The following KCNQ1 variants were observed in gnomAD, a reference collection of about 807,000 sequenced individuals.
KCNQ1 encodes the protein potassium voltage-gated channel subfamily KQT member 1.
A neutral mutation model predicts 72.4 loss-of-function variants in KCNQ1; 49 were observed. That is an observed-to-expected ratio of 0.68 (90% CI 0.54 to 0.86). KCNQ1 has a LOEUF of 0.86. Among genes scored for constraint, KCNQ1 ranks in the 40% least tolerant of loss-of-function variants. The probability of loss-of-function intolerance (pLI) is 0.00; values close to 1 mark genes in which losing one functional copy is unlikely to be tolerated. For missense variants in KCNQ1, 790 were observed against 945.1 expected (o/e 0.84, Z 2.15); for synonymous variants, 450 against 412.6 (o/e 1.09, Z -1.10).
rs573871914 is a variant in KCNQ1, at chr11:2,826,211, G to A, written c.1795-21556G>A. 6.6e-6 allele frequency among the ~76,000 whole-genome samples: 1 copy of A among 152,240 alleles called. No individual in the cohort carries two copies. Among genetic ancestry groups the A allele is most frequent in the Non-Finnish European group, 1.5e-5 (1 of 68,048 alleles). Reference sequence around the variant, plus strand: ...AGTGCTATTGTTTTTCATGTCAGCTGCATTTTAAGGCTACATTTCACGTCA... The same window carrying A: ...AGTGCTATTGTTTTTCATGTCAGCTACATTTTAAGGCTACATTTCACGTCA... On this transcript the variant is annotated intron_variant, in intron 15 of 15. Coordinates refer to ENST00000155840, the MANE Select transcript of KCNQ1 (RefSeq NM_000218.3). The surrounding 1 kb of genome is among the most constrained non-coding windows in gnomAD (Gnocchi z 4.2).
chr11:2,447,110 C>T lies in KCNQ1; in HGVS notation c.386+1626C>T, dbSNP rs1275687064. On this transcript the variant is annotated intron_variant, in intron 1 of 15. Coordinates refer to ENST00000155840, the MANE Select transcript of KCNQ1 (RefSeq NM_000218.3). This position sits in a 1 kb window ranked among gnomAD's most constrained non-coding sequence, Gnocchi z 7.6. ...TTGTGGACACATGCCTCCGGGCTCACTGCAGCCACCCGTGTGGAGGAAGAG... is the reference window on the plus strand; with the variant it reads ...TTGTGGACACATGCCTCCGGGCTCATTGCAGCCACCCGTGTGGAGGAAGAG... Among the ~76,000 whole-genome samples, 1 of 152,238 alleles carries T rather than the reference C, an allele frequency of 6.6e-6. No individual in the cohort carries two copies. Among genetic ancestry groups the T allele is most frequent in the Non-Finnish European group, 1.5e-5 (1 of 68,046 alleles).
intron 1 of KCNQ1, among the ~76,000 whole-genome samples, chr11:2,504,373 C>CAA (rs112373422): frequency 6.2e-5 from 9 of 144,010 alleles, no homozygotes; most frequent in African/African-American, 2.3e-4. Flanking sequence ...TTAATGGAAA[C>CAA]AAAAAAAAAA....
intron 1 of KCNQ1, among the ~76,000 whole-genome samples, chr11:2,448,961 C>G (rs928179894): frequency 2.6e-5 from 4 of 152,226 alleles, no homozygotes. Flanking sequence ...GTGGCAAGAG[C>G]CTAGAGCCTG....
intron 6 of KCNQ1, among the ~76,000 whole-genome samples, chr11:2,575,387 G>T (rs1306860288): frequency 1.3e-5 from 2 of 152,168 alleles, no homozygotes; most frequent in Non-Finnish European, 2.9e-5. Flanking sequence ...GCCCAGGGCT[G>T]TGGGGCAAAC....
Position 2,613,953 on chromosome 11 carries a change from A to G in KCNQ1, c.1393+25099A>G, listed in dbSNP as rs1464315320. The G allele has an allele frequency of 1.0e-5, 4 of 398,614 alleles. No homozygotes were observed. The highest frequency in any genetic ancestry group is 8.8e-5 in the Admixed American group (2 of 22,746). 24.7% of individuals were successfully genotyped at this position (398,614 alleles called of 1,614,324 possible). ...TGAACTTTGCTTTTCTCACCTAACAACATCTCCTAGAAATCACTCAACATC... is the reference window on the plus strand; with the variant it reads ...TGAACTTTGCTTTTCTCACCTAACAGCATCTCCTAGAAATCACTCAACATC... On this transcript the variant is annotated intron_variant, in intron 10 of 15. Coordinates refer to ENST00000155840, the MANE Select transcript of KCNQ1 (RefSeq NM_000218.3). This position sits in a 1 kb window ranked among gnomAD's most constrained non-coding sequence, Gnocchi z 4.8.
chr11:2,572,922 ACGCGGTGAACGAGTCAGGC>A lies in KCNQ1; in HGVS notation c.862_880del (p.Val288TrpfsTer60), dbSNP rs397508129. The A allele has an allele frequency of 6.2e-7, 1 of 1,613,790 alleles. No homozygotes were observed. Among genetic ancestry groups the A allele is most frequent in the Non-Finnish European group, 8.5e-7 (1 of 1,180,022 alleles). On this transcript the variant is annotated frameshift_variant, in exon 6 of 16. Coordinates refer to ENST00000155840, the MANE Select transcript of KCNQ1 (RefSeq NM_000218.3). LOFTEE classifies it high-confidence loss of function. ...TACTTTGTGTACCTGGCTGAGAAGGACGCGGTGAACGAGTCAGGCCGCGTGGAGTTCGGCAGCTACGCAG... is the reference window on the plus strand; with the variant it reads ...TACTTTGTGTACCTGGCTGAGAAGGACGCGTGGAGTTCGGCAGCTACGCAG...
At chr11:2,641,833 G>C in intron 10 of KCNQ1, 2 of 398,258 alleles carry the variant, frequency 5.0e-6, no homozygotes, top group Admixed American at 8.8e-5. Context: ...AGATAGAAAC[G>C]GTTTCATTTT....
rs115810939 is a variant in KCNQ1, at chr11:2,744,855, C to T, written c.1515-23989C>T. On this transcript the variant is annotated intron_variant, in intron 11 of 15. Coordinates refer to ENST00000155840, the MANE Select transcript of KCNQ1 (RefSeq NM_000218.3). Reference sequence around the variant, plus strand: ...GGAAGAATCCAGATTCCTTTTCCTCCGTGGAGTGACTCCCCTTCCCCACCT... The same window carrying T: ...GGAAGAATCCAGATTCCTTTTCCTCTGTGGAGTGACTCCCCTTCCCCACCT... Among the ~76,000 whole-genome samples, 818 of 152,204 alleles carry T rather than the reference C, an allele frequency of 5.4e-3. 7 individuals carry two copies. The highest frequency in any genetic ancestry group is 0.018 in the African/African-American group (756 of 41,502).
intron 8 of KCNQ1, among the ~76,000 whole-genome samples, chr11:2,586,464 G>A (rs1848593745): frequency 6.6e-6 from 1 of 152,216 alleles, no homozygotes; most frequent in Non-Finnish European, 1.5e-5. Context: ...ACGCCTGGCA[G>A]GGGACCACAT....
rs1349199299 is a variant in KCNQ1 at position 2,651,947 on chromosome 11, C to T, written c.1394-10014C>T. On this transcript the variant is annotated intron_variant, in intron 10 of 15. Coordinates refer to ENST00000155840, the MANE Select transcript of KCNQ1 (RefSeq NM_000218.3). This position sits in a 1 kb window ranked among gnomAD's most constrained non-coding sequence, Gnocchi z 6.1. ...CTCCTACTCACAGCCCTCCTGCAGC[C>T]AGCAGCAGTGGGGGAGCCAAGCTGA... is the stretch of plus-strand genomic sequence containing the variant. 1 of 398,600 alleles carries T rather than the reference C, an allele frequency of 2.5e-6. No homozygotes were observed. Among genetic ancestry groups the T allele is most frequent in the East Asian group, 3.6e-5 (1 of 28,084 alleles). The allele number at this position is 398,600 out of a possible 1,614,324, so 24.7% of individuals were successfully genotyped here.
intron 11 of KCNQ1, among the ~76,000 whole-genome samples, chr11:2,706,414 T>C (rs1850911868): frequency 6.6e-6 from 1 of 152,176 alleles, no homozygotes; most frequent in African/African-American, 2.4e-5. Flanking sequence ...CCAGCCCCAG[T>C]CAAACCTCTG....
rs965778446 is a variant in KCNQ1, at chr11:2,657,149, G to A, written c.1394-4812G>A. 2 of 398,616 alleles carry A rather than the reference G, an allele frequency of 5.0e-6. No individual in the cohort carries two copies. The highest frequency in any genetic ancestry group is 8.8e-5 in the Admixed American group (2 of 22,734). The allele number at this position is 398,616 out of a possible 1,614,324, so 24.7% of individuals were successfully genotyped here. A position where few individuals can be genotyped will look rare whatever the true frequency, so the allele number is the denominator to read the frequency against. ...GCCTTGGAAGAAGTACTGATGTTTGGTACAGCAAGTTCTCCCACCTTGTTC... is the reference window on the plus strand; with the variant it reads ...GCCTTGGAAGAAGTACTGATGTTTGATACAGCAAGTTCTCCCACCTTGTTC... On this transcript the variant is annotated intron_variant, in intron 10 of 15. Coordinates refer to ENST00000155840, the MANE Select transcript of KCNQ1 (RefSeq NM_000218.3). This position sits in a 1 kb window ranked among gnomAD's most constrained non-coding sequence, Gnocchi z 4.8.
At chr11:2,632,894 C>G (rs1488890385) in intron 10 of KCNQ1, 2 of 398,290 alleles carry the variant, frequency 5.0e-6, no homozygotes, top group Non-Finnish European at 8.8e-6. Flanking sequence ...ATGCAAATAT[C>G]TTTTTTATAT....
intron 15 of KCNQ1, among the ~76,000 whole-genome samples, chr11:2,842,993 C>T (rs528643478): frequency 1.1e-4 from 17 of 152,332 alleles, no homozygotes; most frequent in Admixed American, 6.5e-4. Flanking sequence ...ACCCCAGACC[C>T]GCTGCGGCAC....
intron 11 of KCNQ1, among the ~76,000 whole-genome samples, chr11:2,765,527 G>C (rs1002220524): frequency 1.3e-5 from 2 of 152,188 alleles, no homozygotes; most frequent in African/African-American, 4.8e-5. Context: ...GTTCAAATTT[G>C]TCTCTGACTT....
chr11:2,683,160 G>C lies in KCNQ1; in HGVS notation c.1514+21079G>C, dbSNP rs1850426963. The C allele has an allele frequency of 1.0e-5, 4 of 398,502 alleles. No individual in the cohort carries two copies. Among genetic ancestry groups the C allele is most frequent in the Non-Finnish European group, 1.8e-5 (4 of 226,088 alleles). 24.7% of individuals were successfully genotyped at this position (398,502 alleles called of 1,614,324 possible). ...GGGGATGGGCTAGCATTAGGAATGG[G>C]TATTAGCATCTGCATTAAAAGGCTC... On this transcript the variant is annotated intron_variant, in intron 11 of 15. Transcript: ENST00000155840. This position sits in a 1 kb window ranked among gnomAD's most constrained non-coding sequence, Gnocchi z 4.7.
chr11:2,666,506 G>T (rs1040904764), intron 11 of KCNQ1: 2 of 398,592 alleles, frequency 5.0e-6, no homozygotes, highest in African/African-American at 4.1e-5. Flanking sequence ...TTCCAGCAAG[G>T]CCGCTGTGGC....
At position 2,673,451 on chromosome 11, in the gene KCNQ1, C is replaced by T; in HGVS notation, c.1514+11370C>T. ...AGGTTCCAACTTGGTGTTGGGCCTC[C>T]TTGAGCCGGAACACCTGAAAAGCCA... On this transcript the variant is annotated intron_variant, in intron 11 of 15. Coordinates refer to ENST00000155840, the MANE Select transcript of KCNQ1 (RefSeq NM_000218.3). This position sits in a 1 kb window ranked among gnomAD's most constrained non-coding sequence, Gnocchi z 4.5. The T allele has an allele frequency of 2.5e-6, 1 of 398,694 alleles. No individual in the cohort carries two copies. The highest frequency in any genetic ancestry group is 3.6e-5 in the East Asian group (1 of 28,080). 24.7% of individuals were successfully genotyped at this position (398,694 alleles called of 1,614,324 possible). A position where few individuals can be genotyped will look rare whatever the true frequency, so the allele number is the denominator to read the frequency against.
rs548408587 is a variant in KCNQ1, at chr11:2,756,255, G to A, written c.1515-12589G>A. 2.3e-4 allele frequency among the ~76,000 whole-genome samples: 35 copies of A among 152,244 alleles called. No individual in the cohort carries two copies. In the South Asian group the frequency reaches 5.0e-3, roughly 22 times the overall value. On this transcript the variant is annotated intron_variant, in intron 11 of 15. Transcript: ENST00000155840. The stretch of plus-strand genomic sequence containing the variant: ...TTGCAACGCTGTTCACAAGCTCCAC[G>A]TGCAACCAGCCACTTGCCTCCCAGC...
Sources: allele counts gnomAD v4.1 joint callset (sites outside exome capture counted in the v4.1 genomes callset), GRCh38; gene constraint gnomAD v4.1.1; non-coding constraint Gnocchi (gnomAD v3.1); transcripts MANE v1.5; gene names NCBI Gene and HGNC (gene_info 2026-07-23, HGNC 2026-07-21).